CACNA2D1: variants seen among roughly 807,000 people sequenced by gnomAD.
CACNA2D1 encodes voltage-dependent calcium channel subunit alpha-2/delta-1.
CACNA2D1 carries 53 observed loss-of-function variants against 171.5 expected under a neutral mutation model. The observed-to-expected ratio is 0.31, with a 90% CI of 0.25 to 0.39. The LOEUF (loss-of-function observed/expected upper bound fraction) is 0.39, where lower values mean the gene tolerates loss of function less well. Among genes scored for constraint, CACNA2D1 ranks in the 10% least tolerant of loss-of-function variants. The probability of loss-of-function intolerance (pLI) is 1.00; values close to 1 mark genes in which losing one functional copy is unlikely to be tolerated. For missense variants in CACNA2D1, 903 were observed against 1,299.8 expected, an observed-to-expected ratio of 0.69 and a Z score of 4.69; for synonymous variants, 442 against 443.1, an observed-to-expected ratio of 1.00 and a Z score of 0.03.
intron 38 of CACNA2D1, among the ~76,000 whole-genome samples, chr7:81,953,984 G>C (rs1373459566): frequency 6.6e-6 from 1 of 152,030 alleles, no homozygotes; most frequent in East Asian, 1.9e-4. Context: ...GCTCCCTGTG[G>C]TGTGCATGTC....
At chr7:82,095,325 T>A (rs993669669) in intron 6 of CACNA2D1, among the ~76,000 whole-genome samples, 5 of 152,188 alleles carry the variant, frequency 3.3e-5, no homozygotes, top group African/African-American at 7.2e-5. Context: ...ACTCCTTATT[T>A]TTTTCTATAT....
intron 3 of CACNA2D1, among the ~76,000 whole-genome samples, chr7:82,184,952 A>G (rs1797510158): frequency 6.6e-6 from 1 of 152,178 alleles, no homozygotes; most frequent in Non-Finnish European, 1.5e-5. Flanking sequence ...CAAAGGAGTA[A>G]ACAGATGTTA....
intron 4 of CACNA2D1, among the ~76,000 whole-genome samples, chr7:82,146,055 G>A (rs1175216537): frequency 6.6e-6 from 1 of 151,830 alleles, no homozygotes; most frequent in Non-Finnish European, 1.5e-5. Flanking sequence ...GTAAATTAAA[G>A]TATCACTTCA....
At chr7:82,140,954 TA>T (rs1324664679) in intron 4 of CACNA2D1, among the ~76,000 whole-genome samples, 102 of 91,752 alleles carry the variant, frequency 1.1e-3, no homozygotes, top group Admixed American at 2.1e-3. Flanking sequence ...GACTCGTCTC[TA>T]AAAAAAAAAA....
chr7:82,115,538 CAT>C (rs896467298), intron 6 of CACNA2D1, among the ~76,000 whole-genome samples: 43 of 151,618 alleles, frequency 2.8e-4, no homozygotes, highest in African/African-American at 1.0e-3. Flanking sequence ...CACACACACA[CAT>C]ATATATACAC....
intron 1 of CACNA2D1, among the ~76,000 whole-genome samples, chr7:82,431,294 C>T (rs932105017): frequency 1.3e-5 from 2 of 152,172 alleles, no homozygotes; most frequent in East Asian, 1.9e-4. Flanking sequence ...GTCATCAATT[C>T]GTGATCTCTT....
chr7:81,955,821 T>A (rs1040500154), intron 38 of CACNA2D1, among the ~76,000 whole-genome samples: 7 of 145,068 alleles, frequency 4.8e-5, no homozygotes, highest in African/African-American at 1.0e-4. Flanking sequence ...CCTAGTTGAG[T>A]CCATGGTGAT....
upstream of CACNA2D1, chr7:82,443,788 G>C (rs1563561063): frequency 5.1e-6 from 5 of 983,790 alleles, no homozygotes; most frequent in African/African-American, 1.7e-5. Flanking sequence ...CTCCCTCTCG[G>C]TTTCCTCCCT....
Position 81,962,421 on chromosome 7 carries a change from G to A in CACNA2D1, c.2836+19C>T. 2 of 1,583,632 alleles carry A rather than the reference G, an allele frequency of 1.3e-6. No individual in the cohort carries two copies. Among genetic ancestry groups the A allele is most frequent in the Non-Finnish European group, 1.7e-6 (2 of 1,156,194 alleles). ...ATTTTTATTGTTATGGCAATGACAA[G>A]GTCTGAGCATTTACATACCTGCCTC... On this transcript the variant is annotated intron_variant, in intron 35 of 38. Transcript: ENST00000356860.
chr7:82,390,952 T>A (rs1329107576), intron 1 of CACNA2D1, among the ~76,000 whole-genome samples: 2 of 152,170 alleles, frequency 1.3e-5, no homozygotes, highest in Non-Finnish European at 2.9e-5. Context: ...GACATTCACC[T>A]CCTTTTTTTC....
chr7:81,995,798 CAAAAAA>C (rs59979323), intron 19 of CACNA2D1, among the ~76,000 whole-genome samples: 1 of 101,552 alleles, frequency 9.8e-6, no homozygotes. Flanking sequence ...GACTCCACCT[CAAAAAA>C]AAAAAAAAAA....
intron 20 of CACNA2D1, among the ~76,000 whole-genome samples, chr7:81,991,633 T>G (rs372588584): frequency 6.6e-6 from 1 of 152,162 alleles, no homozygotes; most frequent in East Asian, 1.9e-4. Context: ...AGATCCAAAT[T>G]TATGATTAGC....
Position 82,300,803 on chromosome 7 carries a change from T to G in CACNA2D1, c.294+34332A>C, listed in dbSNP as rs78699647. On this transcript the variant is annotated intron_variant, in intron 3 of 38. Transcript: ENST00000356860. The stretch of plus-strand genomic sequence containing the variant: ...TAAAACTAAAATATTATAAATATAA[T>G]AATCTAGATTTAGTATTTACTTTCT... Among the ~76,000 whole-genome samples the G allele has an allele frequency of 5.7e-3, 860 of 152,042 alleles. 14 individuals carry two copies. Among genetic ancestry groups the G allele is most frequent in the African/African-American group, 0.02 (823 of 41,578 alleles).
chr7:82,280,314 A>G (rs183082099), intron 3 of CACNA2D1, among the ~76,000 whole-genome samples: 206 of 152,332 alleles, frequency 1.4e-3, no homozygotes, highest in Middle Eastern at 3.4e-3. Context: ...TTTGAGTGAC[A>G]AAAGTACTGA....
At chr7:82,343,204 C>T (rs1306890306) in intron 2 of CACNA2D1, 1 of 152,168 alleles carries the variant, frequency 6.6e-6, no homozygotes, top group Non-Finnish European at 1.5e-5. Flanking sequence ...TGCTGTGATA[C>T]AGCTTCTTAG....
intron 4 of CACNA2D1, among the ~76,000 whole-genome samples, chr7:82,141,578 T>C (rs541450515): frequency 2.6e-5 from 4 of 152,254 alleles, no homozygotes; most frequent in African/African-American, 9.6e-5. Flanking sequence ...TTCTCCGTGC[T>C]ACGTATTGGA....
chr7:82,049,460 G>C (rs565728611), intron 10 of CACNA2D1, among the ~76,000 whole-genome samples: 1 of 152,208 alleles, frequency 6.6e-6, no homozygotes, highest in East Asian at 1.9e-4. Context: ...TAAAATCTGA[G>C]TCAGTGAAAA....
chr7:82,114,669 T>C (rs1489139723), intron 6 of CACNA2D1, among the ~76,000 whole-genome samples: 3 of 151,336 alleles, frequency 2.0e-5, no homozygotes, highest in African/African-American at 4.9e-5. Flanking sequence ...AGCAGGATAA[T>C]TGCTTGAAGC....
intron 1 of CACNA2D1, among the ~76,000 whole-genome samples, chr7:82,433,184 T>C (rs1465878757): frequency 6.9e-6 from 1 of 144,654 alleles, no homozygotes; most frequent in Non-Finnish European, 1.5e-5. Flanking sequence ...TGAGACTCCA[T>C]CTCAAAAAAA....
Sources: allele counts gnomAD v4.1 joint callset (sites outside exome capture counted in the v4.1 genomes callset), GRCh38; gene constraint gnomAD v4.1.1; transcripts MANE v1.5; gene names NCBI Gene and HGNC (gene_info 2026-07-23, HGNC 2026-07-21).